Variants in DNAJB14 observed in about 807,000 individuals in gnomAD.
The protein encoded by DNAJB14 is DnaJ heat shock protein family (Hsp40) member B14.
A neutral mutation model predicts 48.4 loss-of-function variants in DNAJB14; 22 were observed. That is an observed-to-expected ratio of 0.45 (90% CI 0.32 to 0.65). DNAJB14 has a LOEUF of 0.65. DNAJB14 is among the 30% of genes least tolerant of loss of function. The probability of loss-of-function intolerance (pLI) is 0.03; values close to 1 mark genes in which losing one functional copy is unlikely to be tolerated. For synonymous variants in DNAJB14, 142 were observed against 158.7 expected (o/e 0.89, Z 0.79); for missense variants, 319 against 458.8 (o/e 0.70, Z 2.78).
rs1560725048 is a variant in DNAJB14 at position 99,896,356 on chromosome 4, T to C, written c.*4672A>G. 6.6e-6 allele frequency: 1 copy of C among 152,160 alleles called. No individual in the cohort carries two copies. Among genetic ancestry groups the C allele is most frequent in the Non-Finnish European group, 1.5e-5 (1 of 68,012 alleles). 9.4% of individuals were successfully genotyped at this position (152,160 alleles called of 1,614,324 possible). On this transcript the variant is annotated 3_prime_UTR_variant, in exon 8 of 8. Coordinates refer to ENST00000442697, the MANE Select transcript of DNAJB14 (RefSeq NM_001031723.4). ...AACATTCATTAAAAATCAAATGCATTTGAGTTCTCACAGAAAATTTTATGT... is the reference window on the plus strand; with the variant it reads ...AACATTCATTAAAAATCAAATGCATCTGAGTTCTCACAGAAAATTTTATGT...
rs1452951525 is a variant in DNAJB14, at chr4:99,896,755, A to G, written c.*4273T>C. 4 of 152,132 alleles carry G rather than the reference A, an allele frequency of 2.6e-5. No individual in the cohort carries two copies. The highest frequency in any genetic ancestry group is 6.5e-5 in the Admixed American group (1 of 15,282). The allele number at this position is 152,132 out of a possible 1,614,324, so 9.4% of individuals were successfully genotyped here. On this transcript the variant is annotated 3_prime_UTR_variant, in exon 8 of 8. Coordinates refer to ENST00000442697, the MANE Select transcript of DNAJB14 (RefSeq NM_001031723.4). ...TACTCCAATGTCACTGAAAATCTCT[A>G]TGATTTTAATGGTGTCCTTAAATGG...
intron 3 of DNAJB14, among the ~76,000 whole-genome samples, chr4:99,909,264 A>G (rs765507162): frequency 4.6e-5 from 7 of 150,840 alleles, no homozygotes; most frequent in Non-Finnish European, 7.4e-5. Context: ...TCTGCACCCA[A>G]TACCTTATTA....
chr4:99,928,950 AC>A (rs1726357794), intron 2 of DNAJB14: 1 of 154,164 alleles, frequency 6.5e-6, no homozygotes, highest in African/African-American at 2.4e-5. Context: ...CACTTCTTTC[AC>A]TTATTCAGCT....
chr4:99,902,300 G>A (rs1407076394), intron 7 of DNAJB14, among the ~76,000 whole-genome samples: 1 of 151,698 alleles, frequency 6.6e-6, no homozygotes, highest in South Asian at 2.1e-4. Context: ...GCCTTAACCC[G>A]CTAGATGCTA....
rs1325065563 is a variant in DNAJB14, at chr4:99,897,064, G to C, written c.*3964C>G. Reference sequence around the variant, plus strand: ...AGAGCAACAAATAATTCACACCAATGAAATTGTGTTGACTGATTTTCAAAG... The same window carrying C: ...AGAGCAACAAATAATTCACACCAATCAAATTGTGTTGACTGATTTTCAAAG... On this transcript the variant is annotated 3_prime_UTR_variant, in exon 8 of 8. Transcript: ENST00000442697. 6.6e-6 allele frequency: 1 copy of C among 151,804 alleles called. No homozygotes were observed. Among genetic ancestry groups the C allele is most frequent in the African/African-American group, 2.4e-5 (1 of 41,324 alleles). The allele number at this position is 151,804 out of a possible 1,614,324, so 9.4% of individuals were successfully genotyped here.
At chr4:99,944,174 C>G (rs6812088) in intron 1 of DNAJB14, among the ~76,000 whole-genome samples, 1,570 of 152,190 alleles carry the variant, frequency 0.01, 28 homozygotes, top group African/African-American at 0.035. Flanking sequence ...CAGAGAAATG[C>G]AAATCAAAGC....
intron 3 of DNAJB14, chr4:99,922,603 C>CA (rs1297994113): frequency 6.6e-6 from 1 of 151,968 alleles, no homozygotes; most frequent in African/African-American, 2.4e-5. Context: ...AAAAACTGGG[C>CA]AAAGTTTAAT....
rs373414417 is a variant in DNAJB14 at position 99,906,108 on chromosome 4, T to C, written c.733-402A>G. On this transcript the variant is annotated intron_variant, in intron 5 of 7. Transcript: ENST00000442697. ...GGGGGCCAGGCCTTTTAATTTCTAG[T>C]CTAGTGCTCTTTCCATTTACCTTTC... 2.9e-4 allele frequency: 385 copies of C among 1,313,590 alleles called. No individual in the cohort carries two copies. The African/African-American group carries it at 5.2e-3, about 18-fold the overall frequency. 81.4% of individuals were successfully genotyped at this position (1,313,590 alleles called of 1,614,324 possible). A position where few individuals can be genotyped will look rare whatever the true frequency, so the allele number is the denominator to read the frequency against.
At chr4:99,904,755 ATTT>A (rs1725408552) in intron 6 of DNAJB14, among the ~76,000 whole-genome samples, 1 of 152,042 alleles carries the variant, frequency 6.6e-6, no homozygotes, top group African/African-American at 2.4e-5. Flanking sequence ...AAGTATCTCA[ATTT>A]TTTGTTAATA....
chr4:99,905,999 C>T lies in DNAJB14; in HGVS notation c.733-293G>A, dbSNP rs144760102. On this transcript the variant is annotated intron_variant, in intron 5 of 7. Coordinates refer to ENST00000442697, the MANE Select transcript of DNAJB14 (RefSeq NM_001031723.4). ...ACTCCCTCCCCCCCACACACAGAGA[C>T]GCTATCAATATGCTGCAGGCTGTAA... 3.7e-4 allele frequency: 478 copies of T among 1,294,298 alleles called. 3 individuals are homozygous for T. In the African/African-American group the frequency reaches 6.3e-3, roughly 17 times the overall value. The allele number at this position is 1,294,298 out of a possible 1,614,324, so 80.2% of individuals were successfully genotyped here. A position where few individuals can be genotyped will look rare whatever the true frequency, so the allele number is the denominator to read the frequency against.
chr4:99,940,149 G>A (rs888707216), intron 1 of DNAJB14, among the ~76,000 whole-genome samples: 1 of 152,164 alleles, frequency 6.6e-6, no homozygotes, highest in African/African-American at 2.4e-5. Flanking sequence ...TTATTCTTAA[G>A]TTTCTGTTGC....
At chr4:99,944,723 C>CTGGT (rs1204556028) in intron 1 of DNAJB14, among the ~76,000 whole-genome samples, 2 of 151,986 alleles carry the variant, frequency 1.3e-5, no homozygotes, top group Non-Finnish European at 2.9e-5. Context: ...TACAGGCATG[C>CTGGT]ACCACCACGC....
intron 1 of DNAJB14, among the ~76,000 whole-genome samples, chr4:99,940,653 C>G (rs1421768731): frequency 6.6e-6 from 1 of 151,314 alleles, no homozygotes; most frequent in African/African-American, 2.4e-5. Context: ...TTCCAACCCT[C>G]CCCCAAATCC....
intron 1 of DNAJB14, among the ~76,000 whole-genome samples, chr4:99,933,446 C>T (rs1290069557): frequency 2.0e-5 from 3 of 151,566 alleles, no homozygotes; most frequent in Admixed American, 6.6e-5. Context: ...TACCTGCCCC[C>T]GACACCTGGC....
chr4:99,929,439 C>T (rs1348978821), intron 2 of DNAJB14: 2 of 152,024 alleles, frequency 1.3e-5, no homozygotes, highest in Middle Eastern at 3.2e-3. Context: ...TAAAATGTTA[C>T]AATCAAGCTT....
chr4:99,906,952 C>CT (rs1725488680), intron 4 of DNAJB14, among the ~76,000 whole-genome samples: 1 of 152,088 alleles, frequency 6.6e-6, no homozygotes, highest in South Asian at 2.1e-4. Flanking sequence ...TGAAACTTTG[C>CT]TTTTTGCATT....
At chr4:99,917,570 C>T (rs1467497780) in intron 3 of DNAJB14, among the ~76,000 whole-genome samples, 7 of 152,188 alleles carry the variant, frequency 4.6e-5, no homozygotes, top group African/African-American at 1.7e-4. Context: ...ACCAGAGTAC[C>T]ATGTTCTTTC....
At chr4:99,938,794 C>T (rs1036499815) in intron 1 of DNAJB14, among the ~76,000 whole-genome samples, 2 of 151,952 alleles carry the variant, frequency 1.3e-5, no homozygotes, top group Non-Finnish European at 2.9e-5. Context: ...ACTAAATGTA[C>T]TAATATAAAG....
intron 5 of DNAJB14, chr4:99,905,939 AGG>A (rs2110193742): frequency 7.4e-7 from 1 of 1,344,508 alleles, no homozygotes; most frequent in Non-Finnish European, 9.6e-7. Flanking sequence ...TTTATAGATG[AGG>A]AAGTCTTCAT....
Sources: allele counts gnomAD v4.1 joint callset (sites outside exome capture counted in the v4.1 genomes callset), GRCh38; gene constraint gnomAD v4.1.1; transcripts MANE v1.5; gene names NCBI Gene and HGNC (gene_info 2026-07-23, HGNC 2026-07-21).